STK33: variants seen among roughly 807,000 people sequenced by gnomAD.
STK33 encodes serine/threonine kinase 33, also known as serine/threonine-protein kinase 33.
STK33 carries 52 observed loss-of-function variants against 58.0 expected under a neutral mutation model. The observed-to-expected ratio is 0.90, with a 90% CI of 0.72 to 1.13. The LOEUF (loss-of-function observed/expected upper bound fraction) is 1.13, where lower values mean the gene tolerates loss of function less well. Ranked by LOEUF, STK33 falls within the 50% of genes most tolerant of loss-of-function variation. The probability of loss-of-function intolerance (pLI) is 0.00; values close to 1 mark genes in which losing one functional copy is unlikely to be tolerated. For synonymous variants in STK33, 215 were observed against 200.1 expected, an observed-to-expected ratio of 1.07 and a Z score of -0.63; for missense variants, 630 against 604.2, an observed-to-expected ratio of 1.04 and a Z score of -0.45.
At chr11:8,474,573 A>C (rs1949083704) in intron 5 of STK33, 108 bp downstream of exon 5, 1 of 758,384 alleles carries the variant, frequency 1.3e-6, no homozygotes, top group African/African-American at 1.8e-5. Context: ...ATAGTTATGA[A>C]GGCAATGAAT....
the STK33 span, among the ~76,000 whole-genome samples, chr11:8,372,198 C>G: frequency 3.3e-5 from 5 of 152,192 alleles, no homozygotes; most frequent in African/African-American, 1.2e-4. Flanking sequence ...TGGAATCACA[C>G]TATTCCAGAG....
chr11:8,460,698 A>C (rs1031531158), intron 8 of STK33, among the ~76,000 whole-genome samples: 3 of 152,146 alleles, frequency 2.0e-5, no homozygotes, highest in Non-Finnish European at 4.4e-5. Context: ...ACAAAAAAAA[A>C]CATGAAGAAA....
chr11:8,488,732 C>G (rs1950360627), intron 1 of STK33, among the ~76,000 whole-genome samples: 1 of 151,994 alleles, frequency 6.6e-6, no homozygotes, highest in Non-Finnish European at 1.5e-5. Flanking sequence ...ACAAAACACC[C>G]TGGGGAGGGG....
At chr11:8,366,647 AG>A in the STK33 span, among the ~76,000 whole-genome samples, 1 of 152,218 alleles carries the variant, frequency 6.6e-6, no homozygotes, top group Non-Finnish European at 1.5e-5. Flanking sequence ...GTCTGTGTGC[AG>A]GAACAGGGGC....
intron 1 of STK33, among the ~76,000 whole-genome samples, chr11:8,551,184 T>C (rs937952347): frequency 4.7e-4 from 71 of 152,050 alleles, no homozygotes; most frequent in African/African-American, 1.5e-3. Context: ...GGCTGATGTG[T>C]AGTGGCACAA....
rs568335907 is a variant in STK33, at chr11:8,563,848, G to C, written c.-466+30235C>G. Among the ~76,000 whole-genome samples, 3 of 152,284 alleles carry C rather than the reference G, an allele frequency of 2.0e-5. No individual in the cohort carries two copies. The South Asian group carries it at 6.2e-4, about 32-fold the overall frequency. On this transcript the variant is annotated intron_variant, in intron 1 of 15. Transcript: ENST00000687296. ...GACAGCAATCAGTTGGCCAGGGAAA[G>C]TGAGGAATGCATTCCAAAAAGAGGA...
At chr11:8,506,626 C>G (rs572303343) in intron 1 of STK33, among the ~76,000 whole-genome samples, 5 of 151,206 alleles carry the variant, frequency 3.3e-5, no homozygotes, top group Admixed American at 1.3e-4. Flanking sequence ...GCAAAAAAAT[C>G]CCCTCATTTG....
the STK33 span, among the ~76,000 whole-genome samples, chr11:8,358,193 T>A: frequency 6.6e-6 from 1 of 152,240 alleles, no homozygotes; most frequent in Non-Finnish European, 1.5e-5. Context: ...AGAGCCGGGC[T>A]GAACCCTGCC....
rs1038070666 is a variant in STK33 at position 8,392,228 on chromosome 11, G to A, written c.*282C>T. The A allele has an allele frequency of 9.4e-6, 4 of 426,636 alleles. No individual in the cohort carries two copies. The highest frequency in any genetic ancestry group is 4.1e-5 in the South Asian group (1 of 24,566). The allele number at this position is 426,636 out of a possible 1,614,324, so 26.4% of individuals were successfully genotyped here. A position where few individuals can be genotyped will look rare whatever the true frequency, so the allele number is the denominator to read the frequency against. On this transcript the variant is annotated 3_prime_UTR_variant, in exon 16 of 16. Coordinates refer to ENST00000687296, the MANE Select transcript of STK33 (RefSeq NM_001352389.2). ...AGTGTGCCCACAGCCTTAAATTGAA[G>A]GTATCTGCCCCCCTAAAAAACCTTC...
At chr11:8,508,266 CTTT>C (rs34759366) in intron 1 of STK33, among the ~76,000 whole-genome samples, 2 of 114,266 alleles carry the variant, frequency 1.8e-5, no homozygotes, top group Non-Finnish European at 3.4e-5. Context: ...ACCTTCTATT[CTTT>C]TTTTTTTTTT....
At chr11:8,504,873 A>G (rs1335977733) in intron 1 of STK33, among the ~76,000 whole-genome samples, 1 of 152,190 alleles carries the variant, frequency 6.6e-6, no homozygotes, top group Non-Finnish European at 1.5e-5. Context: ...AATACTCAAA[A>G]TTCATCACTT....
chr11:8,370,990 G>C, the STK33 span, among the ~76,000 whole-genome samples: 1 of 152,182 alleles, frequency 6.6e-6, no homozygotes, highest in Non-Finnish European at 1.5e-5. Context: ...GTTTGCCCTG[G>C]ACCGAAGCTG....
rs968440330 is a variant in STK33, at chr11:8,392,361, T to C, written c.*149A>G. The C allele has an allele frequency of 7.4e-5, 68 of 922,596 alleles. No homozygotes were observed. The highest frequency in any genetic ancestry group is 1.1e-4 in the Non-Finnish European group (63 of 597,714). The allele number at this position is 922,596 out of a possible 1,614,324, so 57.2% of individuals were successfully genotyped here. On this transcript the variant is annotated 3_prime_UTR_variant, in exon 16 of 16. Coordinates refer to ENST00000687296, the MANE Select transcript of STK33 (RefSeq NM_001352389.2). ...CTGCTTTGGAGATAAGCAGCTTCAATTTTAAGCTGGTGCAAACACATGGCG... is the reference window on the plus strand; with the variant it reads ...CTGCTTTGGAGATAAGCAGCTTCAACTTTAAGCTGGTGCAAACACATGGCG...
intron 1 of STK33, among the ~76,000 whole-genome samples, chr11:8,573,747 C>G (rs1310026380): frequency 2.0e-5 from 3 of 152,078 alleles, no homozygotes; most frequent in Admixed American, 2.0e-4. Flanking sequence ...TATTACTTAG[C>G]AATAAAAAGG....
Position 8,392,542 on chromosome 11 carries a change from C to CA in STK33, c.1512_1513insT (p.Gly505TrpfsTer30), listed in dbSNP as rs200962114. ...TTCTTTTTGGTTCTGGACAGGGCGC[C>CA]GGATTTAGCAGGGTACTTGGTTGCT... is the stretch of plus-strand genomic sequence containing the variant. On this transcript the variant is annotated frameshift_variant, in exon 16 of 16. Coordinates refer to ENST00000687296, the MANE Select transcript of STK33 (RefSeq NM_001352389.2). LOFTEE classifies it high-confidence loss of function. 26,520 of 1,614,150 alleles carry CA rather than the reference C, an allele frequency of 0.016. 338 individuals carry two copies. The highest frequency in any genetic ancestry group is 0.06 in the Middle Eastern group (361 of 6,062).
the STK33 span, among the ~76,000 whole-genome samples, chr11:8,383,613 T>C: frequency 6.6e-6 from 1 of 152,254 alleles, no homozygotes; most frequent in African/African-American, 2.4e-5. Flanking sequence ...AATTATGATT[T>C]AGCTATTGAG....
intron 14 of STK33, among the ~76,000 whole-genome samples, chr11:8,428,090 C>T (rs1330264013): frequency 6.6e-6 from 1 of 152,182 alleles, no homozygotes; most frequent in Non-Finnish European, 1.5e-5. Context: ...TTCACACTTA[C>T]CCACCTCCTC....
chr11:8,471,757 AAAAAT>A (rs1948802534), intron 6 of STK33, among the ~76,000 whole-genome samples: 3 of 152,314 alleles, frequency 2.0e-5, no homozygotes, highest in Non-Finnish European at 2.9e-5. Flanking sequence ...AATGTTAAAG[AAAAAT>A]AAAATAAAAC....
At chr11:8,372,013 G>C in the STK33 span, among the ~76,000 whole-genome samples, 1 of 151,950 alleles carries the variant, frequency 6.6e-6, no homozygotes. Flanking sequence ...AGCCTCCCGA[G>C]TTGCTGGACC....
Sources: gnomAD v4.1 joint callset for allele counts (sites outside exome capture counted in the v4.1 genomes callset) on GRCh38, gnomAD v4.1.1 for gene constraint, MANE v1.5 for transcripts, NCBI Gene and HGNC (gene_info 2026-07-23, HGNC 2026-07-21) for gene names.